TSEN15: variants seen among roughly 807,000 people sequenced by gnomAD.
The protein encoded by TSEN15 is tRNA-splicing endonuclease subunit Sen15.
In TSEN15, 10 loss-of-function variants were observed where a neutral mutation model predicts 20.5. The ratio of observed to expected loss-of-function variants is 0.49; its 90% CI spans 0.30 to 0.83. TSEN15 has a LOEUF of 0.83. Ranked by LOEUF, TSEN15 falls within the 40% of genes least tolerant of loss-of-function variation. The pLI, the probability that TSEN15 is intolerant of heterozygous loss-of-function variation, is 0.06. For synonymous variants in TSEN15, 72 were observed against 80.1 expected, an observed-to-expected ratio of 0.90 and a Z score of 0.54; for missense variants, 180 against 218.6, an observed-to-expected ratio of 0.82 and a Z score of 1.11.
At chr1:184,094,275 T>A (rs1427926104) in intron 3 of TSEN15, 1 of 152,250 alleles carries the variant, frequency 6.6e-6, no homozygotes, top group African/African-American at 2.4e-5. Flanking sequence ...TGACATCAGA[T>A]CCCATGCATT....
downstream of TSEN15, among the ~76,000 whole-genome samples, chr1:184,077,447 T>C (rs1031081155): frequency 6.6e-6 from 1 of 152,176 alleles, no homozygotes; most frequent in African/African-American, 2.4e-5. Context: ...TACAAGGAGA[T>C]TAATGTTGCT....
At chr1:184,063,358 T>C (rs1371842912) in intron 3 of TSEN15, among the ~76,000 whole-genome samples, 1 of 152,178 alleles carries the variant, frequency 6.6e-6, no homozygotes, top group East Asian at 1.9e-4. Flanking sequence ...CTAAGAGCTT[T>C]TAAAAGTTGG....
intron 3 of TSEN15, among the ~76,000 whole-genome samples, chr1:184,089,478 G>A (rs1651319722): frequency 6.6e-6 from 1 of 152,088 alleles, no homozygotes; most frequent in South Asian, 2.1e-4. Context: ...AGACCATATG[G>A]AAAATGGCAT....
At chr1:184,056,467 G>T (rs1650251863) in intron 3 of TSEN15, among the ~76,000 whole-genome samples, 1 of 151,644 alleles carries the variant, frequency 6.6e-6, no homozygotes, top group South Asian at 2.1e-4. Flanking sequence ...TTTTTTTATT[G>T]TGTTTTCCAG....
chr1:184,091,332 A>G (rs1428213689), intron 3 of TSEN15, among the ~76,000 whole-genome samples: 1 of 152,046 alleles, frequency 6.6e-6, no homozygotes. Flanking sequence ...TTTTATATAT[A>G]TGGTATAGTA....
intron 3 of TSEN15, among the ~76,000 whole-genome samples, chr1:184,092,650 A>T (rs1651380509): frequency 6.6e-6 from 1 of 152,164 alleles, no homozygotes; most frequent in African/African-American, 2.4e-5. Context: ...CTAGAGTTCA[A>T]ATTTGGTCTC....
chr1:184,089,661 C>A (rs749380616), intron 3 of TSEN15, among the ~76,000 whole-genome samples: 1 of 151,688 alleles, frequency 6.6e-6, no homozygotes, highest in Non-Finnish European at 1.5e-5. Context: ...CAAAATCATT[C>A]ATGAGGGTAC....
At position 184,061,936 on chromosome 1, in the gene TSEN15, A is replaced by G. The variant is rs78597380; in HGVS notation, c.353+7073A>G. Among the ~76,000 whole-genome samples, 1,328 of 152,236 alleles carry G rather than the reference A, an allele frequency of 8.7e-3. 13 individuals carry two copies. The highest frequency in any genetic ancestry group is 0.027 in the African/African-American group (1,116 of 41,544). On this transcript the variant is annotated intron_variant, in intron 3 of 4. Coordinates refer to ENST00000645668, the MANE Select transcript of TSEN15 (RefSeq NM_052965.4). ...AGCACAAGTACGTTTTGTGTTTAGC[A>G]TTTTCTGTAAAGCAGTTATATATGA...
chr1:184,085,395 C>T (rs1355119729), intron 3 of TSEN15, among the ~76,000 whole-genome samples: 1 of 152,042 alleles, frequency 6.6e-6, no homozygotes, highest in African/African-American at 2.4e-5. Flanking sequence ...TTCTATATTC[C>T]CAGAAGTTAG....
downstream of TSEN15, among the ~76,000 whole-genome samples, chr1:184,078,134 G>A (rs979937194): frequency 1.3e-5 from 2 of 152,002 alleles, no homozygotes; most frequent in Non-Finnish European, 2.9e-5. Context: ...CACAGCCACC[G>A]CAACCTTCAG....
intron 3 of TSEN15, among the ~76,000 whole-genome samples, chr1:184,067,971 T>TATATATATAC (rs1557883607): frequency 4.5e-5 from 6 of 133,120 alleles, no homozygotes; most frequent in African/African-American, 1.4e-4. Context: ...TATATATATA[T>TATATATATAC]GTACATATGT....
At chr1:184,077,197 C>T (rs1282842688), downstream of TSEN15, among the ~76,000 whole-genome samples, 2 of 152,006 alleles carry the variant, frequency 1.3e-5, no homozygotes, top group Non-Finnish European at 2.9e-5. Flanking sequence ...TAAATTAAAG[C>T]CAATGTTCAT....
At chr1:184,091,345 G>T (rs894859597) in intron 3 of TSEN15, among the ~76,000 whole-genome samples, 3 of 151,882 alleles carry the variant, frequency 2.0e-5, no homozygotes, top group African/African-American at 7.3e-5. Flanking sequence ...GTATAGTATA[G>T]TACAGTATAT....
downstream of TSEN15, among the ~76,000 whole-genome samples, chr1:184,076,092 G>C (rs1651056321): frequency 1.3e-5 from 2 of 151,932 alleles, no homozygotes; most frequent in East Asian, 1.9e-4. Flanking sequence ...ATATAAGCAG[G>C]TATTCCTTGT....
intron 3 of TSEN15, among the ~76,000 whole-genome samples, chr1:184,092,648 C>T (rs1651380476): frequency 6.6e-6 from 1 of 152,174 alleles, no homozygotes; most frequent in Non-Finnish European, 1.5e-5. Context: ...CACTAGAGTT[C>T]AAATTTGGTC....
At chr1:184,066,573 T>A (rs1055352834) in intron 3 of TSEN15, among the ~76,000 whole-genome samples, 18 of 152,078 alleles carry the variant, frequency 1.2e-4, no homozygotes, top group Admixed American at 7.9e-4. Context: ...ACCTGGCTAA[T>A]TTTTGCATTT....
chr1:184,062,445 T>A (rs1650492879), intron 3 of TSEN15, among the ~76,000 whole-genome samples: 1 of 152,122 alleles, frequency 6.6e-6, no homozygotes, highest in Non-Finnish European at 1.5e-5. Flanking sequence ...AGAGGAATAC[T>A]AACTAAAACT....
At chr1:184,070,430 TA>T (rs1269185821) in intron 3 of TSEN15, among the ~76,000 whole-genome samples, 1 of 152,058 alleles carries the variant, frequency 6.6e-6, no homozygotes, top group African/African-American at 2.4e-5. Flanking sequence ...GTGCATTATA[TA>T]TTGGGTTTTA....
chr1:184,077,800 G>A (rs1322594728), downstream of TSEN15, among the ~76,000 whole-genome samples: 7 of 152,204 alleles, frequency 4.6e-5, no homozygotes, highest in African/African-American at 1.7e-4. Flanking sequence ...GAAGCTTGAA[G>A]ATGTAAATGG....
Sources: gnomAD v4.1 joint callset for allele counts (sites outside exome capture counted in the v4.1 genomes callset) on GRCh38, gnomAD v4.1.1 for gene constraint, MANE v1.5 for transcripts, NCBI Gene and HGNC (gene_info 2026-07-23, HGNC 2026-07-21) for gene names.